Variants in MAPRE2 observed in about 807,000 individuals in gnomAD.
The protein encoded by MAPRE2 is microtubule-associated protein RP/EB family member 2.
In MAPRE2, 13 loss-of-function variants were observed where a neutral mutation model predicts 43.2. The observed-to-expected ratio is 0.30, with a 90% confidence interval of 0.20 to 0.48. The LOEUF (loss-of-function observed/expected upper bound fraction) is 0.48. Among genes scored for constraint, MAPRE2 ranks in the 20% least tolerant of loss-of-function variants. The pLI, the probability that MAPRE2 is intolerant of heterozygous loss-of-function variation, is 0.99. For synonymous variants in MAPRE2, 135 were observed against 148.8 expected (o/e 0.91, Z 0.68); for missense variants, 161 against 400.2 (o/e 0.40, Z 5.10).
intron 1 of MAPRE2, among the ~76,000 whole-genome samples, chr18:34,989,612 G>A (rs559862188): frequency 1.3e-5 from 2 of 152,312 alleles, no homozygotes; most frequent in South Asian, 2.1e-4. Context: ...TTGGAAGGCT[G>A]AGGCAGGAGG....
At chr18:35,033,302 A>G (rs1412827337) in intron 2 of MAPRE2, among the ~76,000 whole-genome samples, 2 of 152,282 alleles carry the variant, frequency 1.3e-5, no homozygotes, top group African/African-American at 2.4e-5. Context: ...GCCTTTGACA[A>G]AATTCAACAA....
rs189112117 is a variant in MAPRE2, at chr18:35,053,107, A to G, written c.122+11446A>G. On this transcript the variant is annotated intron_variant, in intron 1 of 6. Transcript: ENST00000300249. Reference sequence around the variant, plus strand: ...CAGTAAGTACATATTAAATGAGTCTATTTAGCCCGGGCACTGTGGCTCATG... The same window carrying G: ...CAGTAAGTACATATTAAATGAGTCTGTTTAGCCCGGGCACTGTGGCTCATG... Among the ~76,000 whole-genome samples, 52 of 151,264 alleles carry G rather than the reference A, an allele frequency of 3.4e-4. No homozygotes were observed. The East Asian group carries it at 9.8e-3, about 28-fold the overall frequency.
chr18:34,998,963 CT>C (rs1366425853), intron 1 of MAPRE2, among the ~76,000 whole-genome samples: 1 of 151,950 alleles, frequency 6.6e-6, no homozygotes, highest in African/African-American at 2.4e-5. Flanking sequence ...ACATGTAACC[CT>C]TAGTATGTTA....
At chr18:35,034,465 T>A (rs1399461736) in intron 2 of MAPRE2, among the ~76,000 whole-genome samples, 1 of 152,114 alleles carries the variant, frequency 6.6e-6, no homozygotes, top group East Asian at 1.9e-4. Flanking sequence ...GGACTTCATG[T>A]CTAAAACACC....
intron 1 of MAPRE2, among the ~76,000 whole-genome samples, chr18:35,061,729 C>T (rs1368497092): frequency 6.6e-6 from 1 of 152,192 alleles, no homozygotes; most frequent in Non-Finnish European, 1.5e-5. Flanking sequence ...CTCCATAGTT[C>T]CTGTAATCTC....
At chr18:35,010,021 A>G (rs935870285) in intron 2 of MAPRE2, among the ~76,000 whole-genome samples, 2 of 152,184 alleles carry the variant, frequency 1.3e-5, no homozygotes, top group Non-Finnish European at 2.9e-5. Flanking sequence ...CATCCCTTGT[A>G]TAATAAAAGC....
intron 2 of MAPRE2, among the ~76,000 whole-genome samples, chr18:35,095,055 A>T (rs552686863): frequency 2.0e-5 from 3 of 152,190 alleles, no homozygotes; most frequent in Non-Finnish European, 4.4e-5. Context: ...TTCCACCAAC[A>T]TTTGGAATGA....
chr18:35,000,812 G>A (rs927494191), intron 1 of MAPRE2, among the ~76,000 whole-genome samples: 2 of 152,158 alleles, frequency 1.3e-5, no homozygotes, highest in Non-Finnish European at 2.9e-5. Context: ...CTTTCCAAAC[G>A]CGAAGGGGGA....
chr18:35,010,423 A>T (rs1015077947), intron 2 of MAPRE2, among the ~76,000 whole-genome samples: 5 of 152,178 alleles, frequency 3.3e-5, no homozygotes, highest in African/African-American at 4.8e-5. Context: ...CTCCACTCTC[A>T]TCTTCAAAGT....
At chr18:35,072,992 G>A (rs879187469) in intron 2 of MAPRE2, among the ~76,000 whole-genome samples, 1 of 151,988 alleles carries the variant, frequency 6.6e-6, no homozygotes, top group African/African-American at 2.4e-5. Context: ...TTTATTTTAG[G>A]TAGCAGTTTT....
At chr18:34,985,348 A>ATT (rs1295916375) in intron 1 of MAPRE2, among the ~76,000 whole-genome samples, 1 of 42,810 alleles carries the variant, frequency 2.3e-5, no homozygotes, top group Non-Finnish European at 3.7e-5. Context: ...AATATATTAT[A>ATT]TTATATATAT....
intron 2 of MAPRE2, among the ~76,000 whole-genome samples, chr18:35,019,160 T>C (rs1029289829): frequency 1.3e-5 from 2 of 152,150 alleles, no homozygotes; most frequent in African/African-American, 4.8e-5. Context: ...TTGGTATTGA[T>C]TTCTATTTTT....
intron 2 of MAPRE2, among the ~76,000 whole-genome samples, chr18:35,032,661 G>C (rs760919470): frequency 6.6e-6 from 1 of 152,198 alleles, no homozygotes; most frequent in East Asian, 1.9e-4. Context: ...TGTGTGCTGG[G>C]ACCTCTTCCT....
chr18:35,086,262 A>G (rs1336514922), intron 2 of MAPRE2, among the ~76,000 whole-genome samples: 1 of 151,938 alleles, frequency 6.6e-6, no homozygotes, highest in Non-Finnish European at 1.5e-5. Flanking sequence ...AATAAGATAT[A>G]TATATACATG....
intron 2 of MAPRE2, among the ~76,000 whole-genome samples, chr18:35,071,152 T>C (rs192058065): frequency 3.3e-4 from 50 of 152,334 alleles, no homozygotes; most frequent in Non-Finnish European, 6.2e-4. Flanking sequence ...AAGGAATATA[T>C]ATTGAGTTAA....
intron 4 of MAPRE2, among the ~76,000 whole-genome samples, chr18:35,102,942 A>G (rs988790779): frequency 1.3e-5 from 2 of 152,164 alleles, no homozygotes; most frequent in Non-Finnish European, 2.9e-5. Flanking sequence ...TAAATCAGTA[A>G]CCTGAATTTT....
intron 2 of MAPRE2, among the ~76,000 whole-genome samples, chr18:35,006,379 T>C (rs2150581026): frequency 6.6e-6 from 1 of 152,288 alleles, no homozygotes. Flanking sequence ...GTTTTCTTCT[T>C]TCAAAAAAAA....
At chr18:35,040,878 C>A (rs372812185), upstream of MAPRE2, among the ~76,000 whole-genome samples, 3 of 152,182 alleles carry the variant, frequency 2.0e-5, no homozygotes, top group African/African-American at 7.2e-5. Flanking sequence ...AGGTTTTTAG[C>A]TTTTTGGCTT....
rs761324657 is a variant in MAPRE2 at position 35,070,234 on chromosome 18, C to A, written c.162C>A (p.Thr54=). The change falls in exon 2 of 7, where the codon ACC becomes ACA. Residue 54 remains threonine (T), a synonymous_variant. Transcript: ENST00000300249. ...TCAATGTGTATTCTACCTCGATAAC[C>A]CAAGAGACTATGAGCAGACATGACA... ...MAVNVYSTSI[T]QETMSRHDII... 4 of 1,610,558 alleles carry A rather than the reference C, an allele frequency of 2.5e-6. No homozygotes were observed. In the East Asian group the frequency reaches 8.9e-5, roughly 36 times the overall value.
Sources: gnomAD v4.1 joint callset for allele counts (sites outside exome capture counted in the v4.1 genomes callset) on GRCh38, gnomAD v4.1.1 for gene constraint, MANE v1.5 for transcripts, NCBI Gene and HGNC (gene_info 2026-07-23, HGNC 2026-07-21) for gene names.